The following JAK1 variants were observed in gnomAD, a reference collection of about 807,000 sequenced individuals.
JAK1 encodes the protein tyrosine-protein kinase JAK1.
A neutral mutation model predicts 136.6 loss-of-function variants in JAK1; 16 were observed. The ratio of observed to expected loss-of-function variants is 0.12; its 90% CI spans 0.08 to 0.18. The LOEUF (loss-of-function observed/expected upper bound fraction) is 0.18, where lower values mean the gene tolerates loss of function less well. Among genes scored for constraint, JAK1 ranks in the 10% least tolerant of loss-of-function variants. The probability of loss-of-function intolerance (pLI) is 1.00; values close to 1 mark genes in which losing one functional copy is unlikely to be tolerated. For synonymous variants in JAK1, 492 were observed against 519.5 expected, an observed-to-expected ratio of 0.95 and a Z score of 0.72; for missense variants, 859 against 1,450.1, an observed-to-expected ratio of 0.59 and a Z score of 6.62.
chr1:65,039,688 T>C (rs1647112135), intron 2 of JAK1, among the ~76,000 whole-genome samples: 1 of 152,188 alleles, frequency 6.6e-6, no homozygotes, highest in Non-Finnish European at 1.5e-5. Flanking sequence ...GATCTTACTG[T>C]CAATGACTTT....
chr1:65,065,398 A>T (rs1647993895), intron 1 of JAK1, among the ~76,000 whole-genome samples: 1 of 152,170 alleles, frequency 6.6e-6, no homozygotes, highest in African/African-American at 2.4e-5. Flanking sequence ...AACATCTAAT[A>T]AATGAAAAGA....
At chr1:64,913,695 GGAAGGAAAGA>G (rs1557686726) in intron 1 of JAK1, among the ~76,000 whole-genome samples, 3 of 25,470 alleles carry the variant, frequency 1.2e-4, no homozygotes, top group Admixed American at 3.0e-4. Flanking sequence ...AAGGAAGGAA[GGAAGGAAAGA>G]AGGGAGGGAG....
chr1:64,841,359 AAC>A lies in JAK1; in HGVS notation c.2555-22_2555-21del. ...CTGGATCTAACAGAAGAGAAAAGAA[AAC>A]AGAGTGAAAGGCAGTCGATTGCCAG... On this transcript the variant is annotated intron_variant, in intron 18 of 24. Transcript: ENST00000342505. The A allele has an allele frequency of 6.2e-7, 1 of 1,613,062 alleles. No individual in the cohort carries two copies. Among genetic ancestry groups the A allele is most frequent in the Non-Finnish European group, 8.5e-7 (1 of 1,179,030 alleles).
intron 2 of JAK1, among the ~76,000 whole-genome samples, chr1:65,036,453 G>A (rs1378226260): frequency 6.6e-6 from 1 of 152,046 alleles, no homozygotes; most frequent in Non-Finnish European, 1.5e-5. Flanking sequence ...AGTTATAAGG[G>A]AGCAGGGAAC....
chr1:64,962,757 A>C (rs1371862687), intron 1 of JAK1, among the ~76,000 whole-genome samples: 4 of 152,328 alleles, frequency 2.6e-5, no homozygotes, highest in Non-Finnish European at 5.9e-5. Flanking sequence ...GCTTGGAGGC[A>C]GCAAGGAAAG....
upstream of JAK1, among the ~76,000 whole-genome samples, chr1:64,968,953 A>G (rs1399807136): frequency 6.7e-6 from 1 of 148,960 alleles, no homozygotes; most frequent in African/African-American, 2.5e-5. Context: ...AAAAAAAAAA[A>G]AGGTAAACTA....
At chr1:65,010,961 C>T (rs1160909939) in intron 2 of JAK1, among the ~76,000 whole-genome samples, 1 of 152,156 alleles carries the variant, frequency 6.6e-6, no homozygotes, top group Non-Finnish European at 1.5e-5. Flanking sequence ...GCACTCCAAC[C>T]TGGGTAACAG....
In JAK1 at chr1:64,839,810, G is replaced by C; in HGVS notation, c.2650-15C>G. On this transcript the variant is annotated splice_polypyrimidine_tract_variant and intron_variant, in intron 19 of 24. Transcript: ENST00000342505. ...CCAAAGTGGCCCTGGAGGGAAAGAT[G>C]CATGTGCTGTTATCAGGGAAGCCCC... is the stretch of plus-strand genomic sequence containing the variant. The C allele has an allele frequency of 2.5e-6, 4 of 1,592,786 alleles. No individual in the cohort carries two copies. Among genetic ancestry groups the C allele is most frequent in the Non-Finnish European group, 3.4e-6 (4 of 1,168,512 alleles).
intron 1 of JAK1, among the ~76,000 whole-genome samples, chr1:64,901,607 T>C (rs1645106548): frequency 6.6e-6 from 1 of 152,210 alleles, no homozygotes; most frequent in Non-Finnish European, 1.5e-5. Flanking sequence ...AACCAAAACT[T>C]AGACACAGTT....
At chr1:65,051,184 G>GTTT (rs34684205) in intron 1 of JAK1, among the ~76,000 whole-genome samples, 1 of 147,944 alleles carries the variant, frequency 6.8e-6, no homozygotes, top group Admixed American at 6.8e-5. Flanking sequence ...GGTATGTCAG[G>GTTT]TTTTTTTTTT....
chr1:65,039,963 C>G (rs1225595775), intron 2 of JAK1, among the ~76,000 whole-genome samples: 1 of 152,116 alleles, frequency 6.6e-6, no homozygotes, highest in Non-Finnish European at 1.5e-5. Context: ...ACCTGTAATC[C>G]CAGCACTTTG....
rs549332692 is a variant in JAK1, at chr1:64,993,892, C to T, written c.-78+50588G>A. Reference sequence around the variant, plus strand: ...GAACTCCTGGCCTCAGGTGATCCACCCACTTCGGCCTCCCAAAGTGCTGGG... The same window carrying T: ...GAACTCCTGGCCTCAGGTGATCCACTCACTTCGGCCTCCCAAAGTGCTGGG... On this transcript the variant is annotated intron_variant, in intron 2 of 25. Coordinates refer to the JAK1 transcript ENST00000671954. 5.9e-5 allele frequency among the ~76,000 whole-genome samples: 9 copies of T among 152,256 alleles called. No individual in the cohort carries two copies. In the South Asian group the frequency reaches 1.7e-3, roughly 28 times the overall value.
chr1:64,878,468 T>C (rs1035180028), intron 4 of JAK1, among the ~76,000 whole-genome samples: 1 of 151,818 alleles, frequency 6.6e-6, no homozygotes, highest in Non-Finnish European at 1.5e-5. Flanking sequence ...CTAGAATTTC[T>C]AGTTAACACT....
intron 2 of JAK1, among the ~76,000 whole-genome samples, chr1:64,885,525 G>A (rs1216748064): frequency 2.6e-5 from 4 of 152,022 alleles, no homozygotes; most frequent in South Asian, 2.1e-4. Flanking sequence ...AGGCCAAGGC[G>A]GGCGGATCAC....
chr1:64,865,083 A>G, intron 7 of JAK1, 111 bp from the exon 8 acceptor site: 1 of 798,034 alleles, frequency 1.3e-6, no homozygotes, highest in Non-Finnish European at 2.0e-6. Flanking sequence ...AGGAAGAGAA[A>G]GCCAGCTCTT....
intron 1 of JAK1, among the ~76,000 whole-genome samples, chr1:64,917,464 G>A (rs185894515): frequency 1.1e-4 from 17 of 152,090 alleles, no homozygotes; most frequent in Non-Finnish European, 1.9e-4. Context: ...AGAACAGAGC[G>A]GTCTCAACAC....
At chr1:65,003,079 A>T (rs1256300144) in intron 2 of JAK1, among the ~76,000 whole-genome samples, 4 of 136,598 alleles carry the variant, frequency 2.9e-5, no homozygotes, top group African/African-American at 1.1e-4. Flanking sequence ...CTTCTTCCCT[A>T]CTAGGACGCC....
chr1:65,007,922 T>C (rs1427224030), intron 2 of JAK1, among the ~76,000 whole-genome samples: 1 of 151,730 alleles, frequency 6.6e-6, no homozygotes, highest in East Asian at 1.9e-4. Flanking sequence ...ATTTTTGTAT[T>C]TTTAGTAGAG....
At chr1:64,866,212 G>A (rs2101110302) in intron 7 of JAK1, among the ~76,000 whole-genome samples, 2 of 152,286 alleles carry the variant, frequency 1.3e-5, no homozygotes, top group South Asian at 4.1e-4. Context: ...CCATTTAACA[G>A]AGGAGTAATT....
Sources: allele counts gnomAD v4.1 joint callset (sites outside exome capture counted in the v4.1 genomes callset), GRCh38; gene constraint gnomAD v4.1.1; transcripts MANE v1.5; gene names NCBI Gene and HGNC (gene_info 2026-07-23, HGNC 2026-07-21).